Variants in INPP5F observed in about 807,000 individuals in gnomAD.
INPP5F encodes inositol polyphosphate-5-phosphatase F.
A neutral mutation model predicts 137.2 loss-of-function variants in INPP5F; 97 were observed. The observed-to-expected ratio is 0.71, with a 90% confidence interval of 0.60 to 0.84. The LOEUF (loss-of-function observed/expected upper bound fraction) is 0.84, where lower values mean the gene tolerates loss of function less well. INPP5F is among the 40% of genes least tolerant of loss of function. INPP5F has a pLI of 0.00. For synonymous variants in INPP5F, 504 were observed against 476.9 expected, an observed-to-expected ratio of 1.06 and a Z score of -0.74; for missense variants, 1,271 against 1,371.9, an observed-to-expected ratio of 0.93 and a Z score of 1.16.
In INPP5F at chr10:119,808,957, C is replaced by G. The variant is rs926521121; in HGVS notation, c.1569+897C>G. Among the ~76,000 whole-genome samples, 8 of 152,314 alleles carry G rather than the reference C, an allele frequency of 5.3e-5. No homozygotes were observed. The East Asian group carries it at 1.5e-3, about 29-fold the overall frequency. The stretch of plus-strand genomic sequence containing the variant: ...TCCTGGTAAAGACCAGGTACAGTGG[C>G]TCAACCCTGTAATCCCAGCACTTTA... On this transcript the variant is annotated intron_variant, in intron 13 of 19. Coordinates refer to ENST00000650623, the MANE Select transcript of INPP5F (RefSeq NM_014937.4).
chr10:119,823,844 C>G lies in INPP5F; in HGVS notation c.2191C>G (p.Gln731Glu). 6.2e-7 allele frequency: 1 copy of G among 1,613,962 alleles called. No homozygotes were observed. The highest frequency in any genetic ancestry group is 8.5e-7 in the Non-Finnish European group (1 of 1,179,938). Reference protein sequence around the residue: ...DTLQCIAEMLQITKQAMGSDL... With the variant: ...DTLQCIAEMLEITKQAMGSDL... ...CCTTCAGTGCATTGCAGAGATGCTG[C>G]AGATCACCAAGCAAGCCATGGGATC... The change falls in exon 19 of 20, where the codon CAG becomes GAG. Residue 731 changes from glutamine (Q) to glutamate (E), a missense_variant. This residue lies in a region of INPP5F where 593 missense variants were observed against 712.4 expected (regional missense o/e 0.83). Transcript: ENST00000650623.
chr10:119,753,771 C>T (rs182968228), intron 2 of INPP5F, among the ~76,000 whole-genome samples: 1 of 152,308 alleles, frequency 6.6e-6, no homozygotes, highest in East Asian at 1.9e-4. Flanking sequence ...CCTGCAAGTG[C>T]TTAGTAAATT....
intron 12 of INPP5F, 32 bp downstream of exon 12, chr10:119,806,512 C>T: frequency 6.5e-7 from 1 of 1,545,088 alleles, no homozygotes; most frequent in Non-Finnish European, 8.7e-7. Context: ...TGCAAATATT[C>T]ATTTCGAAAT....
intron 9 of INPP5F, 45 bp from the exon 10 acceptor site, chr10:119,804,127 GA>G (rs746390059): frequency 4.6e-5 from 65 of 1,399,894 alleles, no homozygotes; most frequent in Non-Finnish European, 5.6e-5. Flanking sequence ...ACCACATTGT[GA>G]TTCTAAAATC....
chr10:119,758,178 T>G (rs1848905639), intron 2 of INPP5F, among the ~76,000 whole-genome samples: 1 of 152,114 alleles, frequency 6.6e-6, no homozygotes, highest in African/African-American at 2.4e-5. Context: ...TGAAGACAAG[T>G]GTGGGGTGCT....
intron 2 of INPP5F, among the ~76,000 whole-genome samples, chr10:119,771,986 C>G (rs547758160): frequency 1.6e-3 from 231 of 143,364 alleles, no homozygotes; most frequent in African/African-American, 5.8e-3. Flanking sequence ...AGCTCCATCT[C>G]CCGGGTTCAC....
chr10:119,810,132 A>G lies in INPP5F; in HGVS notation c.1602A>G (p.Leu534=), dbSNP rs774464367. Residue 534 remains leucine, a synonymous_variant, in exon 14 of 20, where the codon TTA becomes TTG. Transcript: ENST00000650623. ...TTACAAGGACAGGAGAAAGGAAGTTAGCAGGAGTTATGAAAGATGGAGTGA... is the reference window on the plus strand; with the variant it reads ...TTACAAGGACAGGAGAAAGGAAGTTGGCAGGAGTTATGAAAGATGGAGTGA... ...GDFTRTGERK[L]AGVMKDGVNS... 5.6e-6 allele frequency: 9 copies of G among 1,613,002 alleles called. No homozygotes were observed. The highest frequency in any genetic ancestry group is 4.5e-5 in the East Asian group (2 of 44,814).
intron 3 of INPP5F, among the ~76,000 whole-genome samples, chr10:119,784,710 A>G (rs571817301): frequency 6.6e-6 from 1 of 152,328 alleles, no homozygotes; most frequent in East Asian, 1.9e-4. Flanking sequence ...ACCATAATTC[A>G]AATACCTTAC....
At position 119,780,398 on chromosome 10, in the gene INPP5F, A is replaced by G. The variant is rs1267214651; in HGVS notation, c.179-1237A>G. On this transcript the variant is annotated intron_variant, in intron 2 of 19. Transcript: ENST00000650623. ...GAGACCAGCTGGGGCAACATGGCAAAACCCCATCTCTTAAAAAAAAGTACA... is the reference window on the plus strand; with the variant it reads ...GAGACCAGCTGGGGCAACATGGCAAGACCCCATCTCTTAAAAAAAAGTACA... Among the ~76,000 whole-genome samples, 5 of 152,106 alleles carry G rather than the reference A, an allele frequency of 3.3e-5. No homozygotes were observed. The East Asian group carries it at 7.7e-4, about 24-fold the overall frequency.
At chr10:119,821,098 C>T (rs1208155008) in intron 16 of INPP5F, among the ~76,000 whole-genome samples, 181 bp downstream of exon 16, 2 of 152,072 alleles carry the variant, frequency 1.3e-5, no homozygotes, top group Admixed American at 6.5e-5. Context: ...TTATCTTTAT[C>T]GGTTTGAAAG....
At chr10:119,745,018 T>C (rs1848490698) in intron 1 of INPP5F, among the ~76,000 whole-genome samples, 1 of 151,828 alleles carries the variant, frequency 6.6e-6, no homozygotes, top group African/African-American at 2.4e-5. Flanking sequence ...TAAGTCGAAA[T>C]CTTATTTTCT....
At chr10:119,794,287 C>T (rs1421080565) in intron 6 of INPP5F, among the ~76,000 whole-genome samples, 4 of 152,136 alleles carry the variant, frequency 2.6e-5, no homozygotes, top group Admixed American at 6.5e-5. Context: ...TTAATCCATT[C>T]AACCCTGAGT....
Position 119,748,485 on chromosome 10 carries a change from A to G in INPP5F, c.98-2591A>G, listed in dbSNP as rs1021211674. Among the ~76,000 whole-genome samples, 1 of 152,158 alleles carries G rather than the reference A, an allele frequency of 6.6e-6. No homozygotes were observed. The highest frequency in any genetic ancestry group is 2.4e-5 in the African/African-American group (1 of 41,444). ...CCATTCAGGGGTCCCGTGTCCAGGA[A>G]GAATGAGGTATGCAAGGTATGTGGA... On this transcript the variant is annotated intron_variant, in intron 1 of 19. Transcript: ENST00000650623. The surrounding 1 kb of genome is among the most constrained non-coding windows in gnomAD (Gnocchi z 4.7).
intron 9 of INPP5F, among the ~76,000 whole-genome samples, chr10:119,800,851 G>T (rs1850562251): frequency 1.3e-5 from 2 of 150,798 alleles, no homozygotes. Flanking sequence ...TCAGGAGGCT[G>T]AAGTGGGAGA....
intron 12 of INPP5F, among the ~76,000 whole-genome samples, chr10:119,807,612 A>G (rs552142936): frequency 5.3e-5 from 8 of 152,344 alleles, no homozygotes; most frequent in Non-Finnish European, 7.4e-5. Flanking sequence ...CACTATTAGT[A>G]TTGTTTCTGT....
intron 2 of INPP5F, among the ~76,000 whole-genome samples, chr10:119,755,352 C>T (rs1394838863): frequency 6.6e-6 from 1 of 152,204 alleles, no homozygotes; most frequent in African/African-American, 2.4e-5. Flanking sequence ...TGTGTCTTCA[C>T]GTGGTCTTCC....
In INPP5F at chr10:119,796,924, G is replaced by GT. The variant is rs1373584419; in HGVS notation, c.868+11_868+12insT. On this transcript the variant is annotated intron_variant, in intron 7 of 19. Transcript: ENST00000650623. ...GTAGGCACAGAGCAGGTGAGTGGAG[G>GT]GCTGTAATAGCATTCAAATCAAATC... 1 of 1,606,542 alleles carries GT rather than the reference G, an allele frequency of 6.2e-7. No homozygotes were observed. Among genetic ancestry groups the GT allele is most frequent in the Non-Finnish European group, 8.5e-7 (1 of 1,173,360 alleles).
chr10:119,777,525 AAAAT>A (rs1281312122), intron 2 of INPP5F, among the ~76,000 whole-genome samples: 19 of 152,254 alleles, frequency 1.2e-4, no homozygotes, highest in Middle Eastern at 6.8e-3. Context: ...ACTCTGTCTC[AAAAT>A]AAATAAATAA....
chr10:119,747,332 A>G (rs1418618541), intron 1 of INPP5F, among the ~76,000 whole-genome samples: 2 of 150,876 alleles, frequency 1.3e-5, no homozygotes, highest in Non-Finnish European at 3.0e-5. Flanking sequence ...AGCAATTCTC[A>G]TGCCTCAGCC....
Sources: allele counts gnomAD v4.1 joint callset (sites outside exome capture counted in the v4.1 genomes callset), GRCh38; gene constraint gnomAD v4.1.1; regional missense constraint gnomAD v4.1.1; non-coding constraint Gnocchi (gnomAD v3.1); transcripts MANE v1.5; gene names NCBI Gene and HGNC (gene_info 2026-07-23, HGNC 2026-07-21).